TMEM132D: variants seen among roughly 807,000 people sequenced by gnomAD.
TMEM132D encodes transmembrane protein 132D.
In TMEM132D, 21 loss-of-function variants were observed where a neutral mutation model predicts 62.3. The observed-to-expected ratio is 0.34, with a 90% CI of 0.24 to 0.49. TMEM132D has a LOEUF of 0.49. Among genes scored for constraint, TMEM132D ranks in the 20% least tolerant of loss-of-function variants. The pLI, the probability that TMEM132D is intolerant of heterozygous loss-of-function variation, is 0.99. For synonymous variants in TMEM132D, 621 were observed against 575.6 expected (o/e 1.08, Z -1.13); for missense variants, 1,346 against 1,402.8 (o/e 0.96, Z 0.65).
intron 2 of TMEM132D, among the ~76,000 whole-genome samples, chr12:129,663,387 CT>C: frequency 6.6e-6 from 1 of 152,346 alleles, no homozygotes; most frequent in East Asian, 1.9e-4. Flanking sequence ...ATCCACCCAC[CT>C]CAGCCTTCCA....
At chr12:129,640,653 C>T (rs939401705) in intron 2 of TMEM132D, among the ~76,000 whole-genome samples, 2 of 152,198 alleles carry the variant, frequency 1.3e-5, no homozygotes, top group African/African-American at 4.8e-5. Context: ...ATCCACTTCC[C>T]CCACTGTGAC....
intron 2 of TMEM132D, among the ~76,000 whole-genome samples, chr12:129,595,721 T>C (rs1878317693): frequency 6.6e-6 from 1 of 152,174 alleles, no homozygotes; most frequent in Admixed American, 6.5e-5. Context: ...GGCCAGATGA[T>C]AGGTGTGTGG....
chr12:129,305,614 G>A (rs1166012484), intron 4 of TMEM132D, among the ~76,000 whole-genome samples: 1 of 152,178 alleles, frequency 6.6e-6, no homozygotes. Context: ...CTCAAGCAAT[G>A]TATTGCAATG....
intron 1 of TMEM132D, among the ~76,000 whole-genome samples, chr12:129,784,485 G>A (rs1871203609): frequency 6.6e-6 from 1 of 151,976 alleles, no homozygotes; most frequent in Non-Finnish European, 1.5e-5. Flanking sequence ...CATAAATCCA[G>A]AGATAAAAGG....
chr12:129,689,116 G>A (rs1200320325), intron 2 of TMEM132D, among the ~76,000 whole-genome samples: 10 of 152,152 alleles, frequency 6.6e-5, no homozygotes, highest in Admixed American at 5.9e-4. Context: ...AATGTCAACA[G>A]TATGAGGTTG....
intron 2 of TMEM132D, among the ~76,000 whole-genome samples, chr12:129,664,581 C>T (rs1351357143): frequency 2.6e-5 from 4 of 151,870 alleles, no homozygotes; most frequent in African/African-American, 7.3e-5. Context: ...CCCGCCACCA[C>T]GCCCAGCTAA....
intron 4 of TMEM132D, among the ~76,000 whole-genome samples, chr12:129,310,713 A>T (rs1017308587): frequency 1.3e-5 from 2 of 152,210 alleles, no homozygotes; most frequent in East Asian, 3.9e-4. Flanking sequence ...CCAACTCCTC[A>T]TTCCCATTTA....
intron 5 of TMEM132D, among the ~76,000 whole-genome samples, chr12:129,207,679 C>T (rs1565997478): frequency 6.6e-6 from 1 of 152,204 alleles, no homozygotes; most frequent in Admixed American, 6.5e-5. Flanking sequence ...GCCAGCGTTA[C>T]AGCAGGTATG....
At chr12:129,146,040 A>G (rs1168555224) in intron 5 of TMEM132D, among the ~76,000 whole-genome samples, 1 of 151,832 alleles carries the variant, frequency 6.6e-6, no homozygotes, top group East Asian at 1.9e-4. Flanking sequence ...ATGATTACAT[A>G]AGCTAATTAG....
intron 5 of TMEM132D, among the ~76,000 whole-genome samples, chr12:129,166,300 C>CCGCTCCATCTAAAGGGCCACGTA (rs1877544777): frequency 6.5e-5 from 3 of 45,968 alleles, no homozygotes; most frequent in African/African-American, 1.5e-4. Flanking sequence ...TGGAGAACCC[C>CCGCTCCATCTAAAGGGCCACGTA]TGCTCCGTCT....
At chr12:129,831,832 C>T (rs1487823691) in intron 1 of TMEM132D, among the ~76,000 whole-genome samples, 1 of 151,412 alleles carries the variant, frequency 6.6e-6, no homozygotes. Context: ...AATAAGCACA[C>T]GTTGAAGCAT....
intron 5 of TMEM132D, among the ~76,000 whole-genome samples, chr12:129,100,197 C>T (rs866189304): frequency 1.3e-5 from 2 of 152,158 alleles, no homozygotes; most frequent in African/African-American, 4.8e-5. Flanking sequence ...CCTACCACCA[C>T]CCCTGGCTAA....
At chr12:129,714,214 C>T (rs1011470652) in intron 1 of TMEM132D, among the ~76,000 whole-genome samples, 38 of 152,318 alleles carry the variant, frequency 2.5e-4, no homozygotes, top group African/African-American at 8.9e-4. Context: ...CCAGTCTCAA[C>T]ACAAATGGCC....
intron 4 of TMEM132D, among the ~76,000 whole-genome samples, chr12:129,263,611 A>C (rs907199039): frequency 1.3e-5 from 2 of 152,092 alleles, no homozygotes; most frequent in African/African-American, 4.8e-5. Context: ...TCTAAATCGC[A>C]TCTTGAAGGA....
chr12:129,558,972 A>G (rs1194545468), intron 2 of TMEM132D, among the ~76,000 whole-genome samples: 3 of 152,232 alleles, frequency 2.0e-5, no homozygotes, highest in Non-Finnish European at 4.4e-5. Flanking sequence ...CAATATGAAC[A>G]CATTCTCCTC....
chr12:129,806,441 GA>G (rs1871983511), intron 1 of TMEM132D, among the ~76,000 whole-genome samples: 1 of 131,904 alleles, frequency 7.6e-6, no homozygotes, highest in Non-Finnish European at 1.6e-5. Context: ...ACTATCGCAA[GA>G]ACAAAAAACC....
At chr12:129,837,428 G>T (rs1873040078) in intron 1 of TMEM132D, among the ~76,000 whole-genome samples, 1 of 152,104 alleles carries the variant, frequency 6.6e-6, no homozygotes, top group African/African-American at 2.4e-5. Context: ...AAGTTGCTAG[G>T]TTTACAAACA....
In TMEM132D at chr12:129,146,261, A is replaced by C. The variant is rs545368339; in HGVS notation, c.1444-61559T>G. Among the ~76,000 whole-genome samples the C allele has an allele frequency of 4.6e-5, 7 of 152,274 alleles. 1 individual carries two copies. The East Asian group carries it at 7.7e-4, about 17-fold the overall frequency. On this transcript the variant is annotated intron_variant, in intron 5 of 8. Coordinates refer to ENST00000422113, the MANE Select transcript of TMEM132D (RefSeq NM_133448.3). ...TCCTCACCACTCAACACATCAAGGC[A>C]GTCACCCAAATTGTGTTGATCCCAC...
intron 2 of TMEM132D, among the ~76,000 whole-genome samples, chr12:129,570,965 G>A (rs1169039209): frequency 2.0e-5 from 3 of 152,170 alleles, no homozygotes; most frequent in Non-Finnish European, 2.9e-5. Context: ...GGGACAGGAC[G>A]AATGCAGAAG....
Sources: allele counts gnomAD v4.1 joint callset (sites outside exome capture counted in the v4.1 genomes callset), GRCh38; gene constraint gnomAD v4.1.1; transcripts MANE v1.5; gene names NCBI Gene and HGNC (gene_info 2026-07-23, HGNC 2026-07-21).